The following JADE2 variants were observed in gnomAD, a reference collection of about 807,000 sequenced individuals.
The protein encoded by JADE2 is jade family PHD finger 2, also known as E3 ubiquitin-protein ligase Jade-2.
Under a neutral mutation model 85.7 loss-of-function variants are expected in JADE2, and 13 were observed. The observed-to-expected ratio is 0.15, with a 90% CI of 0.10 to 0.24. JADE2 has a LOEUF of 0.24. Among genes scored for constraint, JADE2 ranks in the 10% least tolerant of loss-of-function variants. The pLI is 1.00. For missense variants in JADE2, 846 were observed against 1,115.9 expected (o/e 0.76, Z 3.45); for synonymous variants, 440 against 456.1 (o/e 0.96, Z 0.45).
In JADE2 at chr5:134,579,670, G is replaced by A. The variant is rs942342930; in HGVS notation, c.*353G>A. ...CTGCCACTGGGTGACACAGACTGTC[G>A]TTTGGGCATTATTTCATGGCAGATG... On this transcript the variant is annotated 3_prime_UTR_variant, in exon 12 of 12. Coordinates refer to ENST00000681547, the MANE Select transcript of JADE2 (RefSeq NM_001388185.1). This position sits in a 1 kb window ranked among gnomAD's most constrained non-coding sequence, Gnocchi z 4.6. 8 of 255,670 alleles carry A rather than the reference G, an allele frequency of 3.1e-5. No homozygotes were observed. The highest frequency in any genetic ancestry group is 1.5e-4 in the East Asian group (2 of 13,514). 15.8% of individuals were successfully genotyped at this position (255,670 alleles called of 1,614,324 possible).
intron 4 of JADE2, among the ~76,000 whole-genome samples, chr5:134,556,954 ACACACACACCT>A (rs1322362542): frequency 2.1e-5 from 2 of 93,676 alleles, no homozygotes; most frequent in African/African-American, 7.4e-5. Flanking sequence ...CACACACACC[ACACACACACCT>A]CACACATCAC....
intron 9 of JADE2, among the ~76,000 whole-genome samples, chr5:134,572,397 A>G (rs1456461655): frequency 6.6e-6 from 1 of 152,238 alleles, no homozygotes; most frequent in Admixed American, 6.5e-5. Context: ...GGGCTCAGGA[A>G]AGAACGGAGG....
intron 3 of JADE2, among the ~76,000 whole-genome samples, chr5:134,543,226 G>A (rs888438068): frequency 2.0e-5 from 3 of 151,724 alleles, no homozygotes; most frequent in African/African-American, 7.3e-5. Context: ...GTAGAGACAG[G>A]GTTTCACCAT....
At chr5:134,530,912 A>G (rs1353317076) in intron 1 of JADE2, among the ~76,000 whole-genome samples, 3 of 152,170 alleles carry the variant, frequency 2.0e-5, no homozygotes, top group East Asian at 1.9e-4. Flanking sequence ...AGGGAGCGAG[A>G]GCACACTCAG....
rs1223537692 is a variant in JADE2 at position 134,562,587 on chromosome 5, A to T, written c.852+220A>T. On this transcript the variant is annotated intron_variant, in intron 7 of 11. Coordinates refer to ENST00000681547, the MANE Select transcript of JADE2 (RefSeq NM_001388185.1). This position sits in a 1 kb window ranked among gnomAD's most constrained non-coding sequence, Gnocchi z 4.6. ...CAGGCATTCAAGACCAGCCTGGCCA[A>T]CATAGCAAAACCCCCTCTCTACAAA... 6.6e-6 allele frequency among the ~76,000 whole-genome samples: 1 copy of T among 152,212 alleles called. No individual in the cohort carries two copies. Among genetic ancestry groups the T allele is most frequent in the Non-Finnish European group, 1.5e-5 (1 of 68,032 alleles).
rs1350872489 is a variant in JADE2, at chr5:134,566,321, T to C, written c.1175T>C (p.Leu392Pro). 1.9e-6 allele frequency: 3 copies of C among 1,614,032 alleles called. No homozygotes were observed. Among genetic ancestry groups the C allele is most frequent in the East Asian group, 2.2e-5 (1 of 44,860 alleles). Residue 392 changes from leucine (L) to proline (P), a missense_variant, in exon 9 of 12, where the codon CTG (leucine) becomes CCG (proline). Transcript: ENST00000681547. The surrounding 1 kb of genome is among the most constrained non-coding windows in gnomAD (Gnocchi z 6.7). ...GGCGAGGACCTGGAAAAGGTGACCC[T>C]GCGCAAGCAGCGGCTGCAGCAGCTA... Reference protein sequence around the residue: ...QAGEDLEKVTLRKQRLQQLEE... With the variant: ...QAGEDLEKVTPRKQRLQQLEE...
intron 3 of JADE2, among the ~76,000 whole-genome samples, chr5:134,539,869 C>T (rs1308708766): frequency 6.6e-6 from 1 of 152,104 alleles, no homozygotes; most frequent in Non-Finnish European, 1.5e-5. Context: ...CGCCTTGCCT[C>T]CTCCAGGAGC....
chr5:134,557,353 C>T (rs1205863598), intron 4 of JADE2, among the ~76,000 whole-genome samples: 1 of 134,302 alleles, frequency 7.4e-6, no homozygotes, highest in Admixed American at 7.6e-5. Flanking sequence ...TGTTCAAATT[C>T]AGTCTTTTAC....
At chr5:134,547,433 A>G (rs1762357795) in intron 3 of JADE2, among the ~76,000 whole-genome samples, 1 of 152,252 alleles carries the variant, frequency 6.6e-6, no homozygotes, top group Non-Finnish European at 1.5e-5. Context: ...AAAGAGAGAA[A>G]AATAGTAAAC....
intron 3 of JADE2, among the ~76,000 whole-genome samples, chr5:134,551,225 T>G (rs1418399399): frequency 6.6e-6 from 1 of 152,062 alleles, no homozygotes; most frequent in Non-Finnish European, 1.5e-5. Context: ...TTATTTTATT[T>G]TATTTATTTT....
chr5:134,577,812 C>A (rs1477608701), intron 11 of JADE2, among the ~76,000 whole-genome samples: 1 of 152,184 alleles, frequency 6.6e-6, no homozygotes, highest in African/African-American at 2.4e-5. Context: ...GGCTCTGCCG[C>A]CCTCACATCT....
At chr5:134,576,164 G>A (rs1211807499) in intron 10 of JADE2, among the ~76,000 whole-genome samples, 1 of 152,058 alleles carries the variant, frequency 6.6e-6, no homozygotes, top group East Asian at 1.9e-4. Context: ...GTACTACTGC[G>A]CTCCATCATG....
In JADE2 at chr5:134,578,816, C is replaced by A. The variant is rs200426360; in HGVS notation, c.2004C>A (p.Ala668=). ...GPGSRTTPDK[A]PKKTWGQDAG... ...GTTCACGGACGACTCCAGACAAAGC[C>A]CCCAAGAAGACCTGGGGCCAGGATG... Residue 668 remains alanine (A), a synonymous_variant, in exon 12 of 12, where the codon GCC becomes GCA. Coordinates refer to ENST00000681547, the MANE Select transcript of JADE2 (RefSeq NM_001388185.1). This position sits in a 1 kb window ranked among gnomAD's most constrained non-coding sequence, Gnocchi z 4.4. The A allele has an allele frequency of 8.7e-5, 141 of 1,613,770 alleles. 3 individuals are homozygous for A. In the Admixed American group the frequency reaches 2.3e-3, roughly 27 times the overall value.
At chr5:134,531,669 G>A (rs957822947) in intron 1 of JADE2, among the ~76,000 whole-genome samples, 9 of 151,262 alleles carry the variant, frequency 5.9e-5, no homozygotes, top group African/African-American at 2.2e-4. Context: ...TGCAACCTCT[G>A]TCTCCCAGGT....
rs1764528122 is a variant in JADE2, at chr5:134,578,597, A to G, written c.1785A>G (p.Pro595=). ...AGAACATGGCCATGAGCGAGTGGCC[A>G]CTGAACAATGGGCACCGCGAGGACC... is the stretch of plus-strand genomic sequence containing the variant. ...TAENMAMSEW[P]LNNGHREDPA... The change falls in exon 12 of 12, where the codon CCA becomes CCG. Residue 595 remains proline (P), a synonymous_variant. Transcript: ENST00000681547. This position sits in a 1 kb window ranked among gnomAD's most constrained non-coding sequence, Gnocchi z 4.4. 1 of 1,614,140 alleles carries G rather than the reference A, an allele frequency of 6.2e-7. No homozygotes were observed. The highest frequency in any genetic ancestry group is 8.5e-7 in the Non-Finnish European group (1 of 1,180,024).
intron 3 of JADE2, among the ~76,000 whole-genome samples, chr5:134,546,154 T>TTTTGTTTG: frequency 6.6e-6 from 1 of 151,616 alleles, no homozygotes; most frequent in East Asian, 2.0e-4. Flanking sequence ...TTTTTTGTTT[T>TTTTGTTTG]TTTGTTTGTT....
At chr5:134,568,650 G>C (rs1173553241) in intron 9 of JADE2, among the ~76,000 whole-genome samples, 1 of 152,206 alleles carries the variant, frequency 6.6e-6, no homozygotes. Flanking sequence ...CAGCCACCAA[G>C]CTGGGCTGGC....
intron 9 of JADE2, among the ~76,000 whole-genome samples, chr5:134,570,456 A>T (rs1012225712): frequency 6.6e-6 from 1 of 151,770 alleles, no homozygotes; most frequent in Non-Finnish European, 1.5e-5. Context: ...TCAAAAGCGA[A>T]TCCTCCCTCC....
At chr5:134,526,127 C>CCTCT in intron 1 of JADE2, 116 bp downstream of exon 1, 1 of 985,470 alleles carries the variant, frequency 1.0e-6, no homozygotes, top group African/African-American at 1.7e-5. Flanking sequence ...TCGCTCGCTC[C>CCTCT]CTCTCTCTCC....
Sources: allele counts gnomAD v4.1 joint callset (sites outside exome capture counted in the v4.1 genomes callset), GRCh38; gene constraint gnomAD v4.1.1; non-coding constraint Gnocchi (gnomAD v3.1); transcripts MANE v1.5; gene names NCBI Gene and HGNC (gene_info 2026-07-23, HGNC 2026-07-21).